WNT7B: variants seen among roughly 807,000 people sequenced by gnomAD.
WNT7B encodes Wnt family member 7B.
In WNT7B, 19 loss-of-function variants were observed where a neutral mutation model predicts 38.2. That is an observed-to-expected ratio of 0.50 (90% CI 0.35 to 0.73). The LOEUF (loss-of-function observed/expected upper bound fraction) is 0.73. Among genes scored for constraint, WNT7B ranks in the 30% least tolerant of loss-of-function variants. The pLI is 0.01. For synonymous variants in WNT7B, 243 were observed against 209.3 expected (o/e 1.16, Z -1.39); for missense variants, 423 against 507.9 (o/e 0.83, Z 1.61).
chr22:45,953,690 T>C (rs1311296043), intron 1 of WNT7B, among the ~76,000 whole-genome samples: 3 of 134,420 alleles, frequency 2.2e-5, no homozygotes, highest in Non-Finnish European at 4.7e-5. Context: ...CAAAATGAGA[T>C]GCCACCTCAC....
intron 3 of WNT7B, chr22:45,926,781 T>C (rs1008920007): frequency 2.1e-5 from 21 of 985,022 alleles, no homozygotes; most frequent in Non-Finnish European, 2.5e-5. Context: ...GCCCACAGAG[T>C]GGACTGAATG....
At chr22:45,948,416 C>A (rs1045297168) in intron 2 of WNT7B, among the ~76,000 whole-genome samples, 1 of 152,220 alleles carries the variant, frequency 6.6e-6, no homozygotes, top group African/African-American at 2.4e-5. Flanking sequence ...ACAAAGCGGG[C>A]CCCAGGGGCT....
chr22:45,938,487 ATT>A (rs1159741584), intron 2 of WNT7B, among the ~76,000 whole-genome samples: 3 of 152,190 alleles, frequency 2.0e-5, no homozygotes, highest in Non-Finnish European at 2.9e-5. Flanking sequence ...AAATACAAAA[ATT>A]AGCCAGGCGT....
intron 2 of WNT7B, among the ~76,000 whole-genome samples, chr22:45,937,957 C>T (rs1042814158): frequency 1.6e-4 from 24 of 151,810 alleles, no homozygotes; most frequent in East Asian, 3.9e-4. Flanking sequence ...TGCAGTGAGC[C>T]GAGACCGCGC....
intron 1 of WNT7B, among the ~76,000 whole-genome samples, chr22:45,959,798 C>T (rs1220509439): frequency 6.6e-6 from 1 of 152,140 alleles, no homozygotes; most frequent in African/African-American, 2.4e-5. Context: ...GGAAGTAGCC[C>T]CCTACCCCGC....
At chr22:45,931,977 G>A (rs28698242) in intron 2 of WNT7B, among the ~76,000 whole-genome samples, 43,544 of 152,012 alleles carry the variant, frequency 0.29, 6,372 homozygotes, top group Middle Eastern at 0.36. Flanking sequence ...TGGTCCACCC[G>A]CCTTCAGTCC....
intron 1 of WNT7B, among the ~76,000 whole-genome samples, chr22:45,956,454 G>A (rs1022870918): frequency 6.6e-6 from 1 of 152,138 alleles, no homozygotes; most frequent in Non-Finnish European, 1.5e-5. Context: ...TTCATCTATG[G>A]GGCCCCAAGC....
At position 45,977,123 on chromosome 22, in the gene WNT7B, G is replaced by A. The variant is rs1039250275; in HGVS notation, c.-369C>T. ...TGAGCGCCTCGCCGAGCGCCGCGGC[G>A]GCCAATGTGTCCGCACTTGTCGGCC... is the stretch of plus-strand genomic sequence containing the variant. On this transcript the variant is annotated 5_prime_UTR_variant, in exon 1 of 4. Transcript: ENST00000339464. 21 of 675,836 alleles carry A rather than the reference G, an allele frequency of 3.1e-5. No homozygotes were observed. The highest frequency in any genetic ancestry group is 2.9e-4 in the African/African-American group (15 of 51,014). The allele number at this position is 675,836 out of a possible 1,614,324, so 41.9% of individuals were successfully genotyped here. A position where few individuals can be genotyped will look rare whatever the true frequency, so the allele number is the denominator to read the frequency against.
intron 2 of WNT7B, among the ~76,000 whole-genome samples, chr22:45,937,277 A>G (rs1472557122): frequency 6.6e-6 from 1 of 152,194 alleles, no homozygotes; most frequent in East Asian, 1.9e-4. Flanking sequence ...GGGGCCACAC[A>G]TGCTCCTGGA....
intron 1 of WNT7B, chr22:45,954,622 G>A (rs1482749984): frequency 1.0e-6 from 1 of 985,256 alleles, no homozygotes; most frequent in Non-Finnish European, 1.2e-6. Context: ...CCCGTGCATG[G>A]GTTAAAGGGG....
chr22:45,934,925 T>C (rs28470409), intron 2 of WNT7B, among the ~76,000 whole-genome samples: 57,828 of 152,214 alleles, frequency 0.38, 12,518 homozygotes, highest in African/African-American at 0.6. Context: ...CCGTGGACTG[T>C]GGGCTCCCGT....
intron 2 of WNT7B, among the ~76,000 whole-genome samples, chr22:45,938,057 CTCAA>C (rs1183406270): frequency 2.0e-5 from 3 of 151,900 alleles, no homozygotes; most frequent in Non-Finnish European, 4.4e-5. Context: ...TGGTTAACAA[CTCAA>C]TTAGAAAGGA....
chr22:45,932,673 A>G (rs970582725), intron 2 of WNT7B, among the ~76,000 whole-genome samples: 1 of 152,086 alleles, frequency 6.6e-6, no homozygotes, highest in African/African-American at 2.4e-5. Context: ...TGTCATTTCT[A>G]TGTCCCCAGC....
intron 2 of WNT7B, among the ~76,000 whole-genome samples, chr22:45,934,228 TCGGGGGC>T (rs1269871675): frequency 6.6e-6 from 1 of 151,992 alleles, no homozygotes; most frequent in Non-Finnish European, 1.5e-5. Context: ...GTGCCTGGGG[TCGGGGGC>T]CCTGGAAGGT....
rs1337501865 is a variant in WNT7B, at chr22:45,929,632, CCATGCATCCACT to C, written c.570+1454_570+1465del. Reference sequence around the variant, plus strand: ...CCTGCCCATACACCCATCCTTCCATCCATGCATCCACTCATCCATCCTTCCACCCACCCGCCC... The same window carrying C: ...CCTGCCCATACACCCATCCTTCCATCCATCCATCCTTCCACCCACCCGCCC... On this transcript the variant is annotated intron_variant, in intron 3 of 3. Transcript: ENST00000339464. Among the ~76,000 whole-genome samples the C allele has an allele frequency of 3.2e-3, 381 of 119,138 alleles. 1 individual carries two copies. Among genetic ancestry groups the C allele is most frequent in the African/African-American group, 0.011 (341 of 29,928 alleles). 78.2% of individuals were successfully genotyped at this position (119,138 alleles called of 152,430 possible). A position where few individuals can be genotyped will look rare whatever the true frequency, so the allele number is the denominator to read the frequency against.
At chr22:45,964,312 C>T (rs151125321) in intron 1 of WNT7B, among the ~76,000 whole-genome samples, 11 of 152,274 alleles carry the variant, frequency 7.2e-5, no homozygotes, top group Non-Finnish European at 1.0e-4. Context: ...GCCCAACATG[C>T]GACTCCATCC....
chr22:45,935,550 C>A (rs1395518259), intron 2 of WNT7B, among the ~76,000 whole-genome samples: 1 of 152,212 alleles, frequency 6.6e-6, no homozygotes, highest in Non-Finnish European at 1.5e-5. Context: ...GGGAGGGAGG[C>A]TCCCTCCTCC....
At chr22:45,933,449 C>A (rs138186007) in intron 2 of WNT7B, among the ~76,000 whole-genome samples, 1 of 152,082 alleles carries the variant, frequency 6.6e-6, no homozygotes, top group Non-Finnish European at 1.5e-5. Flanking sequence ...CAAGATGATG[C>A]GAAGGGAAGC....
intron 3 of WNT7B, 48 bp downstream of exon 3, chr22:45,931,050 A>C: frequency 6.6e-7 from 1 of 1,520,952 alleles, no homozygotes; most frequent in East Asian, 2.3e-5. Context: ...TCAGCGGGTG[A>C]TACAGCGGTC....
Sources: allele counts gnomAD v4.1 joint callset (sites outside exome capture counted in the v4.1 genomes callset), GRCh38; gene constraint gnomAD v4.1.1; transcripts MANE v1.5; gene names NCBI Gene and HGNC (gene_info 2026-07-23, HGNC 2026-07-21).